Variants in CREB5 observed in about 807,000 individuals in gnomAD.
The protein encoded by CREB5 is cAMP responsive element binding protein 5, also known as cyclic AMP-responsive element-binding protein 5.
In CREB5, 19 loss-of-function variants were observed where a neutral mutation model predicts 57.1. That is an observed-to-expected ratio of 0.33 (90% CI 0.23 to 0.49). The LOEUF is 0.49. Among genes scored for constraint, CREB5 ranks in the 20% least tolerant of loss-of-function variants. The pLI, the probability that CREB5 is intolerant of heterozygous loss-of-function variation, is 0.99. For missense variants in CREB5, 579 were observed against 671.6 expected (o/e 0.86, Z 1.52); for synonymous variants, 238 against 238.3 (o/e 1.00, Z 0.01).
At chr7:28,336,112 G>A (rs369529247) in intron 1 of CREB5, among the ~76,000 whole-genome samples, 1 of 151,976 alleles carries the variant, frequency 6.6e-6, no homozygotes, top group African/African-American at 2.4e-5. Context: ...ATTTTGTCGA[G>A]GATTTTTGAA....
chr7:28,330,869 T>C (rs1785703359), intron 1 of CREB5, among the ~76,000 whole-genome samples: 1 of 152,212 alleles, frequency 6.6e-6, no homozygotes, highest in South Asian at 2.1e-4. Flanking sequence ...ATGACATTGG[T>C]GCGTCATGTG....
At chr7:28,349,459 T>C (rs565740562) in intron 1 of CREB5, among the ~76,000 whole-genome samples, 1 of 151,904 alleles carries the variant, frequency 6.6e-6, no homozygotes, top group Non-Finnish European at 1.5e-5. Flanking sequence ...TATCCCGTTG[T>C]GGTGGGAAAA....
At chr7:28,501,088 A>T (rs1792256696) in intron 3 of CREB5, among the ~76,000 whole-genome samples, 2 of 152,126 alleles carry the variant, frequency 1.3e-5, no homozygotes, top group South Asian at 4.2e-4. Flanking sequence ...ATATGAGGAA[A>T]TAAGATCAAA....
chr7:28,470,775 T>G (rs1790772947), intron 1 of CREB5, among the ~76,000 whole-genome samples: 1 of 152,198 alleles, frequency 6.6e-6, no homozygotes, highest in African/African-American at 2.4e-5. Context: ...CCATTTTAAC[T>G]GGGGCAAGAT....
At chr7:28,426,935 C>T (rs1788532644) in intron 1 of CREB5, among the ~76,000 whole-genome samples, 1 of 152,166 alleles carries the variant, frequency 6.6e-6, no homozygotes, top group South Asian at 2.1e-4. Flanking sequence ...TCACTCATTG[C>T]TGCCATAAAC....
chr7:28,690,134 G>A (rs1177827738), intron 5 of CREB5, among the ~76,000 whole-genome samples: 2 of 152,112 alleles, frequency 1.3e-5, no homozygotes, highest in African/African-American at 4.8e-5. Context: ...ATACCCAGTT[G>A]GGGAGTCTTG....
rs1233149536 is a variant in CREB5 at position 28,560,871 on chromosome 7, TGC to T, written c.292-9490_292-9489del. Among the ~76,000 whole-genome samples, 42 of 37,998 alleles carry T rather than the reference TGC, an allele frequency of 1.1e-3. 4 individuals carry two copies. The highest frequency in any genetic ancestry group is 4.9e-3 in the Admixed American group (15 of 3,052). The allele number at this position is 37,998 out of a possible 152,430, so 24.9% of individuals were successfully genotyped here. Reference sequence around the variant, plus strand: ...GCGTGTGTGTGTGCGTGTGCCTGCGTGCGCGTGCGTGCGTGCGTGTGTGTGCG... The same window carrying T: ...GCGTGTGTGTGTGCGTGTGCCTGCGTGCGTGCGTGCGTGCGTGTGTGTGCG... On this transcript the variant is annotated intron_variant, in intron 4 of 10. Coordinates refer to ENST00000357727, the MANE Select transcript of CREB5 (RefSeq NM_182898.4).
chr7:28,617,814 A>G (rs1797647671), intron 5 of CREB5, among the ~76,000 whole-genome samples: 1 of 152,234 alleles, frequency 6.6e-6, no homozygotes, highest in Non-Finnish European at 1.5e-5. Context: ...TCTAGGTTCA[A>G]GTTAATTATC....
chr7:28,741,655 G>A (rs1308298640), intron 7 of CREB5, among the ~76,000 whole-genome samples: 3 of 152,090 alleles, frequency 2.0e-5, no homozygotes, highest in African/African-American at 4.8e-5. Context: ...ACTGGATTTC[G>A]AAACCAGAGG....
intron 1 of CREB5, among the ~76,000 whole-genome samples, chr7:28,437,183 T>C (rs754784509): frequency 6.6e-6 from 1 of 152,278 alleles, no homozygotes; most frequent in East Asian, 1.9e-4. Flanking sequence ...GTTGAGAAAA[T>C]AGATAAGCCA....
At chr7:28,785,019 T>C (rs1330453771) in intron 7 of CREB5, among the ~76,000 whole-genome samples, 1 of 152,240 alleles carries the variant, frequency 6.6e-6, no homozygotes, top group Non-Finnish European at 1.5e-5. Context: ...TCTTCAGCAT[T>C]GTTCGTCAGA....
chr7:28,531,755 G>T (rs909352762), intron 4 of CREB5, among the ~76,000 whole-genome samples: 7 of 152,220 alleles, frequency 4.6e-5, no homozygotes, highest in Admixed American at 1.3e-4. Flanking sequence ...GGCTAGCCGG[G>T]CGTGGGGGCT....
intron 9 of CREB5, among the ~76,000 whole-genome samples, chr7:28,812,477 T>C (rs1438420805): frequency 6.6e-6 from 1 of 151,748 alleles, no homozygotes; most frequent in Non-Finnish European, 1.5e-5. Context: ...TAGAGCCAAA[T>C]GGCTAAGGAA....
At chr7:28,428,013 T>C (rs999243819) in intron 1 of CREB5, among the ~76,000 whole-genome samples, 3 of 152,160 alleles carry the variant, frequency 2.0e-5, no homozygotes, top group African/African-American at 7.2e-5. Context: ...GGGAAGTGGA[T>C]CAAGTGTTCT....
At chr7:28,472,377 CA>C (rs902844586) in intron 1 of CREB5, among the ~76,000 whole-genome samples, 4 of 151,970 alleles carry the variant, frequency 2.6e-5, no homozygotes, top group African/African-American at 7.3e-5. Flanking sequence ...ATTTAATCCT[CA>C]AAAAAATCTA....
chr7:28,662,535 G>C (rs1799651211), intron 5 of CREB5, among the ~76,000 whole-genome samples: 3 of 152,104 alleles, frequency 2.0e-5, no homozygotes. Flanking sequence ...GTAAGTCTTC[G>C]GGGGCCAAAC....
chr7:28,382,061 G>A (rs113021263), intron 1 of CREB5, among the ~76,000 whole-genome samples: 174 of 152,298 alleles, frequency 1.1e-3, no homozygotes, highest in African/African-American at 3.8e-3. Context: ...AGTTCAAGGC[G>A]GAAGGCCCGA....
intron 5 of CREB5, among the ~76,000 whole-genome samples, chr7:28,606,817 T>C (rs1797149308): frequency 6.6e-6 from 1 of 152,190 alleles, no homozygotes; most frequent in African/African-American, 2.4e-5. Context: ...TGGTCATATT[T>C]TGAAATTTAA....
At chr7:28,692,027 A>C (rs201816534) in intron 5 of CREB5, among the ~76,000 whole-genome samples, 31 of 151,080 alleles carry the variant, frequency 2.1e-4, no homozygotes, top group East Asian at 3.9e-4. Flanking sequence ...AAAAAAAAAA[A>C]AACAACAAAT....
Sources: gnomAD v4.1 joint callset for allele counts (sites outside exome capture counted in the v4.1 genomes callset) on GRCh38, gnomAD v4.1.1 for gene constraint, MANE v1.5 for transcripts, NCBI Gene and HGNC (gene_info 2026-07-23, HGNC 2026-07-21) for gene names.